The following INPP4B variants were observed in gnomAD, a reference collection of about 807,000 sequenced individuals.
INPP4B encodes the protein inositol polyphosphate 4-phosphatase type II.
In INPP4B, 55 loss-of-function variants were observed where a neutral mutation model predicts 122.5. The ratio of observed to expected loss-of-function variants is 0.45; its 90% confidence interval spans 0.36 to 0.56. The LOEUF (loss-of-function observed/expected upper bound fraction) is 0.56, where lower values mean the gene tolerates loss of function less well. INPP4B is among the 20% of genes least tolerant of loss of function. The pLI is 0.00. For missense variants in INPP4B, 1,000 were observed against 1,097.7 expected (o/e 0.91, Z 1.26); for synonymous variants, 403 against 388.7 (o/e 1.04, Z -0.43).
In INPP4B at chr4:142,764,164, G is replaced by C. The variant is rs556541700; in HGVS notation, c.-253-38263C>G. Among the ~76,000 whole-genome samples the C allele has an allele frequency of 5.3e-5, 8 of 152,108 alleles. No homozygotes were observed. In the East Asian group the frequency reaches 1.2e-3, roughly 22 times the overall value. ...GTTAGACAAAATTACACATGCATATGCAATAAAAATATATAATTTACATCT... is the reference window on the plus strand; with the variant it reads ...GTTAGACAAAATTACACATGCATATCCAATAAAAATATATAATTTACATCT... On this transcript the variant is annotated intron_variant, in intron 1 of 25. Coordinates refer to ENST00000262992, the MANE Select transcript of INPP4B (RefSeq NM_001101669.3).
intron 2 of INPP4B, among the ~76,000 whole-genome samples, chr4:142,574,070 C>T (rs1468357947): frequency 6.6e-6 from 1 of 152,060 alleles, no homozygotes; most frequent in African/African-American, 2.4e-5. Context: ...AATTCTAACT[C>T]AAACCATTTA....
chr4:142,687,959 C>T (rs541716135), intron 2 of INPP4B, among the ~76,000 whole-genome samples: 5 of 152,076 alleles, frequency 3.3e-5, no homozygotes, highest in Non-Finnish European at 7.4e-5. Context: ...CACTATCACT[C>T]ACTTGACTAA....
At chr4:142,587,722 T>C (rs1035256279) in intron 2 of INPP4B, among the ~76,000 whole-genome samples, 2 of 152,032 alleles carry the variant, frequency 1.3e-5, no homozygotes, top group African/African-American at 2.4e-5. Flanking sequence ...AAATGTACAA[T>C]TAAATTATTT....
In INPP4B at chr4:142,026,614, G is replaced by C. The variant is rs1438732225; in HGVS notation, c.*2168C>G. On this transcript the variant is annotated 3_prime_UTR_variant, in exon 26 of 26. Transcript: ENST00000262992. ...CCCAAGTAGCTGGGATTACACGTGT[G>C]TGCCACCACATCCAGCTAATTTTTG... 3 of 152,354 alleles carry C rather than the reference G, an allele frequency of 2.0e-5. No individual in the cohort carries two copies. The East Asian group carries it at 5.8e-4, about 29-fold the overall frequency. The allele number at this position is 152,354 out of a possible 1,614,324, so 9.4% of individuals were successfully genotyped here.
intron 25 of INPP4B, among the ~76,000 whole-genome samples, chr4:142,054,311 T>C (rs979835950): frequency 6.6e-6 from 1 of 151,766 alleles, no homozygotes; most frequent in Non-Finnish European, 1.5e-5. Context: ...GAAACACCAC[T>C]ACTGTATCTG....
At chr4:142,031,693 G>A (rs548792197) in intron 25 of INPP4B, among the ~76,000 whole-genome samples, 2 of 152,288 alleles carry the variant, frequency 1.3e-5, no homozygotes, top group South Asian at 4.2e-4. Flanking sequence ...GGTAGAAAAT[G>A]TACAGTATTT....
intron 1 of INPP4B, among the ~76,000 whole-genome samples, chr4:142,736,104 T>A (rs1766843801): frequency 6.6e-6 from 1 of 152,102 alleles, no homozygotes; most frequent in African/African-American, 2.4e-5. Flanking sequence ...AACTGCAGCA[T>A]CACCATCACC....
intron 2 of INPP4B, among the ~76,000 whole-genome samples, chr4:142,630,244 A>G (rs115049636): frequency 0.014 from 2,057 of 152,218 alleles, 36 homozygotes; most frequent in African/African-American, 0.039. Flanking sequence ...TTCCTGTTAT[A>G]GTTCTTTCTA....
chr4:142,622,078 C>T (rs1745062750), intron 2 of INPP4B, among the ~76,000 whole-genome samples: 1 of 151,914 alleles, frequency 6.6e-6, no homozygotes. Flanking sequence ...ATTATTTCTT[C>T]ATGTATAAAT....
chr4:142,719,009 T>C (rs1426635068), intron 2 of INPP4B, among the ~76,000 whole-genome samples: 1 of 152,222 alleles, frequency 6.6e-6, no homozygotes, highest in Non-Finnish European at 1.5e-5. Flanking sequence ...ATTAATATTT[T>C]CCTTGGTACA....
At chr4:142,221,524 T>C (rs77139776) in intron 12 of INPP4B, among the ~76,000 whole-genome samples, 3,945 of 152,222 alleles carry the variant, frequency 0.026, 167 homozygotes, top group East Asian at 0.2. Context: ...AATTTCTATC[T>C]TGCCCACAAG....
chr4:142,638,737 G>T (rs965685168), intron 2 of INPP4B, among the ~76,000 whole-genome samples: 2 of 151,692 alleles, frequency 1.3e-5, no homozygotes, highest in South Asian at 4.2e-4. Context: ...CAGTGGAGAC[G>T]GGGTTTCACC....
chr4:142,209,792 CAAAA>C (rs375306534), intron 12 of INPP4B, among the ~76,000 whole-genome samples: 5 of 39,550 alleles, frequency 1.3e-4, no homozygotes, highest in African/African-American at 6.6e-4. Flanking sequence ...GACCCCGTCT[CAAAA>C]AAAAAAAAAA....
chr4:142,211,087 A>G (rs1392660038), intron 12 of INPP4B, among the ~76,000 whole-genome samples: 1 of 152,216 alleles, frequency 6.6e-6, no homozygotes, highest in African/African-American at 2.4e-5. Context: ...AAAGGTACGC[A>G]TTCTGAAAAG....
chr4:142,313,400 C>A (rs1263197197), intron 8 of INPP4B, among the ~76,000 whole-genome samples: 1 of 152,122 alleles, frequency 6.6e-6, no homozygotes, highest in Non-Finnish European at 1.5e-5. Flanking sequence ...TTTAAAAAGT[C>A]TCACATTTTA....
intron 17 of INPP4B, among the ~76,000 whole-genome samples, chr4:142,155,154 T>A (rs963903348): frequency 6.6e-6 from 1 of 152,050 alleles, no homozygotes; most frequent in Non-Finnish European, 1.5e-5. Context: ...TTTGAAAAAG[T>A]TTAATCATAG....
intron 2 of INPP4B, among the ~76,000 whole-genome samples, chr4:142,594,827 C>T (rs986199687): frequency 6.6e-6 from 1 of 151,710 alleles, no homozygotes; most frequent in Non-Finnish European, 1.5e-5. Flanking sequence ...TGGTGGTGGG[C>T]ACCTGTAGTC....
chr4:142,108,022 A>G, intron 23 of INPP4B, 71 bp downstream of exon 23: 1 of 793,488 alleles, frequency 1.3e-6, no homozygotes. Flanking sequence ...ACTGACCTCT[A>G]TGTCTGACCT....
chr4:142,286,105 G>T (rs1182404592), intron 9 of INPP4B, among the ~76,000 whole-genome samples: 1 of 152,124 alleles, frequency 6.6e-6, no homozygotes, highest in African/African-American at 2.4e-5. Context: ...TTAAAGCAAA[G>T]TTCAAAATAC....
Sources: gnomAD v4.1 joint callset for allele counts (sites outside exome capture counted in the v4.1 genomes callset) on GRCh38, gnomAD v4.1.1 for gene constraint, MANE v1.5 for transcripts, NCBI Gene and HGNC (gene_info 2026-07-23, HGNC 2026-07-21) for gene names.